Variants in JAG1 observed in about 807,000 individuals in gnomAD.
JAG1 encodes protein jagged-1.
Under a neutral mutation model 148.7 loss-of-function variants are expected in JAG1, and 23 were observed. That is an observed-to-expected ratio of 0.15 (90% CI 0.11 to 0.22). The LOEUF is 0.22. Ranked by LOEUF, JAG1 falls within the 10% of genes least tolerant of loss-of-function variation. The pLI is 1.00. For synonymous variants in JAG1, 572 were observed against 598.3 expected (o/e 0.96, Z 0.64); for missense variants, 1,054 against 1,611.2 (o/e 0.65, Z 5.92).
chr20:10,659,742 CTTT>C (rs777742238), intron 3 of JAG1, among the ~76,000 whole-genome samples: 79 of 150,384 alleles, frequency 5.3e-4, no homozygotes, highest in Non-Finnish European at 9.7e-4. Context: ...TTTCTTTTTT[CTTT>C]TTGTTTTTTT....
chr20:10,661,092 G>T (rs2067413884), intron 3 of JAG1, among the ~76,000 whole-genome samples: 1 of 152,160 alleles, frequency 6.6e-6, no homozygotes, highest in African/African-American at 2.4e-5. Flanking sequence ...AGGGGAGAAA[G>T]AAATTTGGAA....
intron 2 of JAG1, among the ~76,000 whole-genome samples, chr20:10,667,016 G>C (rs1212680668): frequency 6.6e-6 from 1 of 152,212 alleles, no homozygotes; most frequent in Non-Finnish European, 1.5e-5. Flanking sequence ...AGAGCGGTAA[G>C]CACTTAATTG....
intron 12 of JAG1, 112 bp downstream of exon 12, chr20:10,648,437 A>G (rs1218841119): frequency 6.6e-6 from 6 of 910,326 alleles, no homozygotes; most frequent in Middle Eastern, 3.2e-4. Flanking sequence ...TAGGATGTTA[A>G]TAGATGTTAG....
At position 10,664,373 on chromosome 20, in the gene JAG1, A is replaced by AACACACACACACACAC. The variant is rs59417356; in HGVS notation, c.388-375_388-360dup. Among the ~76,000 whole-genome samples, 444 of 144,660 alleles carry AACACACACACACACAC rather than the reference A, an allele frequency of 3.1e-3. 2 individuals carry two copies. The highest frequency in any genetic ancestry group is 0.011 in the Admixed American group (157 of 14,380). The allele number at this position is 144,660 out of a possible 152,430, so 94.9% of individuals were successfully genotyped here. On this transcript the variant is annotated intron_variant, in intron 2 of 25. Transcript: ENST00000254958. Reference sequence around the variant, plus strand: ...AGACCCTGACCCTAGTGCATGAGGAAACACACACACACACACACACACACA... The same window carrying AACACACACACACACAC: ...AGACCCTGACCCTAGTGCATGAGGAAACACACACACACACACACACACACACACACACACACACACA...
chr20:10,645,481 G>A lies in JAG1; in HGVS notation c.2000-12C>T, dbSNP rs759519634. ...GCAGTCATTAATATCTAGAATCAAA[G>A]GGGAGACAATCGGCTGAAGACGAGA... On this transcript the variant is annotated splice_polypyrimidine_tract_variant and intron_variant, in intron 15 of 25. Transcript: ENST00000254958. The surrounding 1 kb of genome is among the most constrained non-coding windows in gnomAD (Gnocchi z 6.1). 2 of 1,605,908 alleles carry A rather than the reference G, an allele frequency of 1.2e-6. No individual in the cohort carries two copies. Among genetic ancestry groups the A allele is most frequent in the Admixed American group, 1.7e-5 (1 of 59,998 alleles).
intron 24 of JAG1, 66 bp downstream of exon 24, chr20:10,641,047 T>C: frequency 6.2e-7 from 1 of 1,612,888 alleles, no homozygotes; most frequent in Non-Finnish European, 8.5e-7. Flanking sequence ...TTTGCTCCAT[T>C]CAGACACTGG....
At chr20:10,646,779 C>T (rs1289843688) in intron 14 of JAG1, among the ~76,000 whole-genome samples, 160 bp downstream of exon 14, 6 of 151,442 alleles carry the variant, frequency 4.0e-5, no homozygotes, top group Non-Finnish European at 7.4e-5. Context: ...GAGCCGAGAT[C>T]GTGCCACTGC....
intron 5 of JAG1, 48 bp downstream of exon 5, chr20:10,656,350 A>T (rs1262190770): frequency 2.1e-6 from 3 of 1,445,656 alleles, no homozygotes; most frequent in African/African-American, 2.8e-5. Context: ...TTCCTCTCTT[A>T]CATAAAGGAA....
chr20:10,642,680 C>T, intron 20 of JAG1, 79 bp from the exon 21 acceptor site: 2 of 840,740 alleles, frequency 2.4e-6, no homozygotes, highest in Non-Finnish European at 4.1e-6. Flanking sequence ...ACATAACATA[C>T]AAGAAAAGCA....
intron 25 of JAG1, 76 bp downstream of exon 25, chr20:10,640,707 G>C: frequency 3.3e-6 from 5 of 1,499,474 alleles, no homozygotes; most frequent in Non-Finnish European, 4.6e-6. Context: ...ATAATCCCTC[G>C]ACCTGATGGC....
chr20:10,659,581 T>TTTTTTTTTTTTTTTTTTTA (rs2067402045), intron 3 of JAG1, among the ~76,000 whole-genome samples: 1 of 148,602 alleles, frequency 6.7e-6, no homozygotes, highest in African/African-American at 2.5e-5. Flanking sequence ...TTTTTTTTTT[T>TTTTTTTTTTTTTTTTTTTA]TTTTTTACAA....
chr20:10,646,825 CA>C (rs79074328), intron 14 of JAG1, 113 bp downstream of exon 14: 58,119 of 865,224 alleles, frequency 0.067, no homozygotes, highest in East Asian at 0.072. Context: ...AATTCGGTCT[CA>C]AAAAAAAAAA....
intron 10 of JAG1, 69 bp downstream of exon 10, chr20:10,649,453 C>T: frequency 1.1e-6 from 1 of 939,692 alleles, no homozygotes; most frequent in Non-Finnish European, 1.7e-6. Flanking sequence ...AGGACTGGAG[C>T]CCCAGTACGG....
At chr20:10,662,443 T>C (rs6032915) in intron 3 of JAG1, 12,826 of 152,164 alleles carry the variant, frequency 0.084, 787 homozygotes, top group East Asian at 0.22. Flanking sequence ...TATACTGACC[T>C]GGCTCTTATC....
At chr20:10,649,837 T>C in intron 9 of JAG1, 1 of 616,780 alleles carries the variant, frequency 1.6e-6, no homozygotes, top group East Asian at 2.7e-5. Context: ...CCCTAATTGA[T>C]AACTTTCCAG....
intron 3 of JAG1, among the ~76,000 whole-genome samples, chr20:10,659,460 C>G (rs954682150): frequency 1.3e-5 from 2 of 151,314 alleles, no homozygotes; most frequent in African/African-American, 4.9e-5. Flanking sequence ...AGATAAAGGT[C>G]AGCAATCATT....
chr20:10,652,636 A>C (rs749608109), intron 5 of JAG1, 38 bp from the exon 6 acceptor site: 1 of 1,611,396 alleles, frequency 6.2e-7, no homozygotes, highest in South Asian at 1.1e-5. Flanking sequence ...TAGCCTTTTG[A>C]ACGTTAAGAG....
At chr20:10,650,653 C>A in intron 8 of JAG1, 1 of 390,110 alleles carries the variant, frequency 2.6e-6, no homozygotes. Flanking sequence ...TCTCTATCTG[C>A]CTAATCTTTA....
intron 7 of JAG1, 57 bp downstream of exon 7, chr20:10,652,074 A>G (rs1177205471): frequency 6.3e-7 from 1 of 1,598,250 alleles, no homozygotes; most frequent in Non-Finnish European, 8.6e-7. Flanking sequence ...TATATTTTTT[A>G]AAAGCTGAGT....
Sources: allele counts gnomAD v4.1 joint callset (sites outside exome capture counted in the v4.1 genomes callset), GRCh38; gene constraint gnomAD v4.1.1; non-coding constraint Gnocchi (gnomAD v3.1); transcripts MANE v1.5; gene names NCBI Gene and HGNC (gene_info 2026-07-23, HGNC 2026-07-21).